The following TIMP4 variants were observed in gnomAD, a reference collection of about 807,000 sequenced individuals.
TIMP4 encodes the protein TIMP metallopeptidase inhibitor 4.
In TIMP4, 28 loss-of-function variants were observed where a neutral mutation model predicts 27.3. The observed-to-expected ratio is 1.03, with a 90% CI of 0.76 to 1.41. The LOEUF (loss-of-function observed/expected upper bound fraction) is 1.41, where lower values mean the gene tolerates loss of function less well. Among genes scored for constraint, TIMP4 ranks in the 40% most tolerant of loss-of-function variants. The pLI is 0.00. For synonymous variants in TIMP4, 138 were observed against 115.5 expected (o/e 1.20, Z -1.25); for missense variants, 307 against 285.5 (o/e 1.08, Z -0.54).
In TIMP4 at chr3:12,153,098, T is replaced by G; in HGVS notation, c.*417A>C. The G allele has an allele frequency of 4.0e-6, 1 of 249,002 alleles. No individual in the cohort carries two copies. Among genetic ancestry groups the G allele is most frequent in the Non-Finnish European group, 8.1e-6 (1 of 123,542 alleles). The allele number at this position is 249,002 out of a possible 1,614,324, so 15.4% of individuals were successfully genotyped here. On this transcript the variant is annotated 3_prime_UTR_variant, in exon 5 of 5. Coordinates refer to ENST00000287814, the MANE Select transcript of TIMP4 (RefSeq NM_003256.4). ...GTTTTCATTCCTGCCAGTCAGCCTG[T>G]TTATGATGCTGTCAAACCACCTTCT...
chr3:12,158,890 C>T lies in TIMP4; in HGVS notation c.-50G>A, dbSNP rs371332507. ...CTGTGAGGTCTGGGGGACTGGACGGCCCCAGCAGGGCTCCTTCCCAAGGCC... is the reference window on the plus strand; with the variant it reads ...CTGTGAGGTCTGGGGGACTGGACGGTCCCAGCAGGGCTCCTTCCCAAGGCC... On this transcript the variant is annotated 5_prime_UTR_variant, in exon 1 of 5. Coordinates refer to ENST00000287814, the MANE Select transcript of TIMP4 (RefSeq NM_003256.4). 6,208 of 1,476,938 alleles carry T rather than the reference C, an allele frequency of 4.2e-3. 27 individuals carry two copies. Among genetic ancestry groups the T allele is most frequent in the Non-Finnish European group, 5.0e-3 (5,540 of 1,115,494 alleles). The allele number at this position is 1,476,938 out of a possible 1,614,324, so 91.5% of individuals were successfully genotyped here. A position where few individuals can be genotyped will look rare whatever the true frequency, so the allele number is the denominator to read the frequency against.
chr3:12,157,371 C>T lies in TIMP4; in HGVS notation c.237+14G>A. On this transcript the variant is annotated intron_variant, in intron 2 of 4. Transcript: ENST00000287814. ...AGCCTTAGGGGCTACACATCCCAGC[C>T]TGCCCCCATGTACCTTTATCTGTTT... The T allele has an allele frequency of 6.2e-7, 1 of 1,613,004 alleles. No homozygotes were observed. The highest frequency in any genetic ancestry group is 8.5e-7 in the Non-Finnish European group (1 of 1,179,036).
At chr3:12,153,814 C>G (rs971049743) in intron 4 of TIMP4, 102 bp from the exon 5 acceptor site, 2 of 1,270,814 alleles carry the variant, frequency 1.6e-6, no homozygotes, top group African/African-American at 3.0e-5. Flanking sequence ...TCTCAAATGC[C>G]CCCTATCTTA....
At chr3:12,157,016 C>A in intron 2 of TIMP4, 82 bp from the exon 3 acceptor site, 1 of 1,014,178 alleles carries the variant, frequency 9.9e-7, no homozygotes, top group South Asian at 1.6e-5. Context: ...TCTCACTTCT[C>A]AGCCTAAAAA....
At chr3:12,156,362 C>T (rs1030374991) in intron 3 of TIMP4, among the ~76,000 whole-genome samples, 4 of 152,078 alleles carry the variant, frequency 2.6e-5, no homozygotes, top group African/African-American at 9.7e-5. Context: ...TGTTCTATCC[C>T]AGCCAATTCA....
intron 3 of TIMP4, among the ~76,000 whole-genome samples, chr3:12,156,138 C>CCCTTCA (rs761909768): frequency 7.2e-5 from 11 of 152,190 alleles, no homozygotes; most frequent in Non-Finnish European, 1.6e-4. Context: ...ATCGTGGAAT[C>CCCTTCA]CCTTCACCTG....
intron 1 of TIMP4, among the ~76,000 whole-genome samples, chr3:12,157,987 T>C (rs1038297639): frequency 1.3e-5 from 2 of 152,212 alleles, no homozygotes; most frequent in Non-Finnish European, 2.9e-5. Flanking sequence ...TTGATGATGT[T>C]CTTCCTCTGT....
intron 1 of TIMP4, among the ~76,000 whole-genome samples, chr3:12,158,051 C>T (rs1697509327): frequency 6.6e-6 from 1 of 152,176 alleles, no homozygotes; most frequent in African/African-American, 2.4e-5. Flanking sequence ...ACAGGGTCCC[C>T]ATCCTGCCGA....
chr3:12,156,124 A>C (rs957932902), intron 3 of TIMP4, among the ~76,000 whole-genome samples: 1 of 152,160 alleles, frequency 6.6e-6, no homozygotes, highest in Non-Finnish European at 1.5e-5. Flanking sequence ...GAATGTGTGG[A>C]TAGATCGTGG....
Position 12,157,495 on chromosome 3 carries a change from A to T in TIMP4, c.140-13T>A. 1 of 1,613,892 alleles carries T rather than the reference A, an allele frequency of 6.2e-7. No homozygotes were observed. The highest frequency in any genetic ancestry group is 8.5e-7 in the Non-Finnish European group (1 of 1,179,798). On this transcript the variant is annotated splice_polypyrimidine_tract_variant and intron_variant, in intron 1 of 4. Transcript: ENST00000287814. ...TTGGCCCGAATCACTGCATAGGAAG[A>T]GAAAAGAGGGAACCTTCAGCAGCTG...
At chr3:12,154,231 C>CA (rs1697386564) in intron 4 of TIMP4, 96 bp downstream of exon 4, 1 of 1,555,676 alleles carries the variant, frequency 6.4e-7, no homozygotes, top group African/African-American at 1.4e-5. Context: ...GTGCAGATCT[C>CA]AAGTATAGTC....
rs1166021892 is a variant in TIMP4, at chr3:12,153,658, A to G, written c.532T>C (p.Trp178Arg). The change falls in exon 5 of 5, where the codon TGG becomes CGG. Residue 178 changes from tryptophan (W) to arginine (R), a missense_variant. By Grantham distance (101) the Trp-to-Arg change is moderately radical. Transcript: ENST00000287814. ...CTISAPNECLWTDWLLERKLY... is the reference protein window; with the variant it reads ...CTISAPNECLRTDWLLERKLY... ...TTTCGTTCCAACAGCCAGTCTGTCC[A>G]GAGGCACTCGTTAGGGGCCGAGATG... 5.0e-6 allele frequency: 8 copies of G among 1,614,230 alleles called. No homozygotes were observed. In the South Asian group the frequency reaches 8.8e-5, roughly 18 times the overall value.
chr3:12,153,342 G>A lies in TIMP4; in HGVS notation c.*173C>T. On this transcript the variant is annotated 3_prime_UTR_variant, in exon 5 of 5. Transcript: ENST00000287814. ...AGGCAGGGGCAACAGGCTGAGGGCAGGGCAGAAAAGTCATGGCCCCTTCCC... is the reference window on the plus strand; with the variant it reads ...AGGCAGGGGCAACAGGCTGAGGGCAAGGCAGAAAAGTCATGGCCCCTTCCC... 2.8e-6 allele frequency: 2 copies of A among 712,762 alleles called. No individual in the cohort carries two copies. Among genetic ancestry groups the A allele is most frequent in the Non-Finnish European group, 4.8e-6 (2 of 413,764 alleles). 44.2% of individuals were successfully genotyped at this position (712,762 alleles called of 1,614,324 possible).
At position 12,153,579 on chromosome 3, in the gene TIMP4, G is replaced by A. The variant is rs753816364; in HGVS notation, c.611C>T (p.Thr204Ile). 2 of 1,614,112 alleles carry A rather than the reference G, an allele frequency of 1.2e-6. No individual in the cohort carries two copies. Among genetic ancestry groups the A allele is most frequent in the Admixed American group, 3.3e-5 (2 of 60,020 alleles). ...CAGGTGGCCCCGGTACCAGCTGCAG[G>A]TGCCGTCAACATGCTTCATACAGAC... is the stretch of plus-strand genomic sequence containing the variant. The part of the protein sequence containing the change: ...HYVCMKHVDG[T>I]CSWYRGHLPL... Residue 204 changes from threonine (T) to isoleucine (I), a missense_variant, in exon 5 of 5, where the codon ACC becomes ATC. Physicochemically the swap from Thr to Ile is moderately conservative, Grantham distance 89. Transcript: ENST00000287814.
At chr3:12,158,588 A>C in intron 1 of TIMP4, 114 bp downstream of exon 1, 1 of 1,468,782 alleles carries the variant, frequency 6.8e-7, no homozygotes, top group Non-Finnish European at 9.2e-7. Context: ...GCAAGAGACA[A>C]CCGGTAAGAA....
intron 3 of TIMP4, among the ~76,000 whole-genome samples, chr3:12,156,154 T>TC (rs1056640402): frequency 7.2e-5 from 11 of 152,162 alleles, no homozygotes; most frequent in African/African-American, 2.7e-4. Context: ...ACCTGTTCCC[T>TC]CCCCCACTGC....
In TIMP4 at chr3:12,153,617, C is replaced by T; in HGVS notation, c.573G>A (p.Gln191=). The part of the protein sequence containing the change: ...WLLERKLYGY[Q]AQHYVCMKHV... ...GCTTCATACAGACATAATGCTGAGC[C>T]TGGTAACCATAGAGCTTTCGTTCCA... Residue 191 remains glutamine (Q), a synonymous_variant, in exon 5 of 5, where the codon CAG becomes CAA. Transcript: ENST00000287814. The T allele has an allele frequency of 6.2e-7, 1 of 1,614,174 alleles. No individual in the cohort carries two copies. Among genetic ancestry groups the T allele is most frequent in the Non-Finnish European group, 8.5e-7 (1 of 1,180,022 alleles).
At chr3:12,156,682 AAC>A (rs1697466248) in intron 3 of TIMP4, 136 bp downstream of exon 3, 5 of 622,488 alleles carry the variant, frequency 8.0e-6, no homozygotes, top group Non-Finnish European at 1.4e-5. Context: ...GTCTGTCACT[AAC>A]ACAGCTCTGT....
chr3:12,158,768 C>T lies in TIMP4; in HGVS notation c.73G>A (p.Gly25Arg). The change falls in exon 1 of 5, where the codon GGG becomes AGG. Residue 25 changes from glycine (G) to arginine (R), a missense_variant. Coordinates refer to ENST00000287814, the MANE Select transcript of TIMP4 (RefSeq NM_003256.4). ...LRLLALLRPP[G>R]LGEACSCAPA... Reference sequence around the variant, plus strand: ...GCGCAGCTGCATGCCTCACCCAGCCCCGGGGGCCGCAGCAACGCCAGCAGC... The same window carrying T: ...GCGCAGCTGCATGCCTCACCCAGCCTCGGGGGCCGCAGCAACGCCAGCAGC... 12 of 1,606,128 alleles carry T rather than the reference C, an allele frequency of 7.5e-6. No homozygotes were observed. Among genetic ancestry groups the T allele is most frequent in the Non-Finnish European group, 9.3e-6 (11 of 1,178,888 alleles).
Sources: gnomAD v4.1 joint callset for allele counts (sites outside exome capture counted in the v4.1 genomes callset) on GRCh38, gnomAD v4.1.1 for gene constraint, MANE v1.5 for transcripts, NCBI Gene and HGNC (gene_info 2026-07-23, HGNC 2026-07-21) for gene names.